WWTR1: variants seen among roughly 807,000 people sequenced by gnomAD.
WWTR1 encodes the protein WW domain containing transcription regulator 1, also known as WW domain-containing transcription regulator protein 1.
Under a neutral mutation model 40.1 loss-of-function variants are expected in WWTR1, and 13 were observed. That is an observed-to-expected ratio of 0.32 (90% CI 0.21 to 0.52). The LOEUF (loss-of-function observed/expected upper bound fraction) is 0.52. Ranked by LOEUF, WWTR1 falls within the 20% of genes least tolerant of loss-of-function variation. The pLI is 0.97. For synonymous variants in WWTR1, 230 were observed against 210.1 expected, an observed-to-expected ratio of 1.09 and a Z score of -0.82; for missense variants, 436 against 523.1, an observed-to-expected ratio of 0.83 and a Z score of 1.63.
intron 1 of WWTR1, among the ~76,000 whole-genome samples, chr3:149,684,224 G>A (rs1318238161): frequency 6.6e-6 from 1 of 151,954 alleles, no homozygotes; most frequent in Non-Finnish European, 1.5e-5. Context: ...GTCTCGCTAT[G>A]TTGCCCAGGG....
At chr3:149,610,559 G>C (rs975237866) in intron 2 of WWTR1, among the ~76,000 whole-genome samples, 6 of 152,176 alleles carry the variant, frequency 3.9e-5, no homozygotes, top group African/African-American at 1.4e-4. Context: ...AGAATTCTTT[G>C]AGTTGTAAAT....
At chr3:149,647,912 G>C (rs1712628604) in intron 2 of WWTR1, among the ~76,000 whole-genome samples, 1 of 152,142 alleles carries the variant, frequency 6.6e-6, no homozygotes, top group Admixed American at 6.6e-5. Flanking sequence ...TGAGGCTCCA[G>C]AACCTCAATG....
intron 2 of WWTR1, among the ~76,000 whole-genome samples, chr3:149,642,933 T>C (rs1431419250): frequency 2.0e-5 from 3 of 152,106 alleles, no homozygotes; most frequent in African/African-American, 7.2e-5. Context: ...AGCACTCAAG[T>C]TTACTGCTTC....
chr3:149,668,136 A>T (rs1713911992), intron 2 of WWTR1, among the ~76,000 whole-genome samples: 1 of 152,232 alleles, frequency 6.6e-6, no homozygotes, highest in Non-Finnish European at 1.5e-5. Flanking sequence ...TAGGGAAAGA[A>T]GCCTCTAGAT....
intron 2 of WWTR1, among the ~76,000 whole-genome samples, chr3:149,656,054 AG>A (rs1463826825): frequency 6.6e-6 from 1 of 152,200 alleles, no homozygotes; most frequent in Non-Finnish European, 1.5e-5. Context: ...GTTTCTCCTG[AG>A]GAATGTAGTT....
intron 2 of WWTR1, among the ~76,000 whole-genome samples, chr3:149,626,745 G>A (rs1740561759): frequency 6.6e-6 from 1 of 152,038 alleles, no homozygotes; most frequent in African/African-American, 2.4e-5. Flanking sequence ...GTAGGCACAT[G>A]GGGTGATGAA....
chr3:149,558,342 A>G (rs907479533), intron 3 of WWTR1, among the ~76,000 whole-genome samples: 7 of 152,234 alleles, frequency 4.6e-5, no homozygotes, highest in African/African-American at 1.7e-4. Context: ...TGTGTCAAAT[A>G]AATAATGTTC....
chr3:149,665,227 CT>C (rs11398199), intron 2 of WWTR1, among the ~76,000 whole-genome samples: 72 of 128,244 alleles, frequency 5.6e-4, no homozygotes, highest in South Asian at 2.2e-3. Context: ...TCCTTTCTTT[CT>C]TTTTTTTTTT....
chr3:149,664,328 T>C (rs532017445), intron 2 of WWTR1, among the ~76,000 whole-genome samples: 1 of 152,338 alleles, frequency 6.6e-6, no homozygotes, highest in Non-Finnish European at 1.5e-5. Flanking sequence ...AGGTTCAACA[T>C]GAGGATAAGA....
intron 2 of WWTR1, among the ~76,000 whole-genome samples, chr3:149,665,717 A>G (rs955392007): frequency 6.6e-5 from 10 of 152,236 alleles, no homozygotes; most frequent in African/African-American, 2.4e-4. Flanking sequence ...CTATCATTAT[A>G]ACTTTGTTCA....
At chr3:149,694,437 A>C (rs1021131915) in intron 1 of WWTR1, among the ~76,000 whole-genome samples, 4 of 152,194 alleles carry the variant, frequency 2.6e-5, no homozygotes, top group Non-Finnish European at 4.4e-5. Context: ...CAACAAAAAA[A>C]CAAGGGATTA....
At chr3:149,638,791 GTAATAACCCCCATAATCA>G (rs1459733032) in intron 2 of WWTR1, among the ~76,000 whole-genome samples, 3 of 152,190 alleles carry the variant, frequency 2.0e-5, no homozygotes, top group Non-Finnish European at 4.4e-5. Context: ...CTCTTGTCCT[GTAATAACCCCCATAATCA>G]AAGTTCAGGA....
chr3:149,567,190 A>C (rs1446544232), intron 3 of WWTR1, among the ~76,000 whole-genome samples: 3 of 147,742 alleles, frequency 2.0e-5, no homozygotes, highest in Non-Finnish European at 4.5e-5. Context: ...ATCACCAAAA[A>C]GGCAAAAAAA....
intron 2 of WWTR1, among the ~76,000 whole-genome samples, chr3:149,622,173 T>C (rs1287314679): frequency 6.6e-6 from 1 of 152,130 alleles, no homozygotes; most frequent in Non-Finnish European, 1.5e-5. Flanking sequence ...CCCAGACTTA[T>C]GAGTTGTTTC....
intron 4 of WWTR1, among the ~76,000 whole-genome samples, chr3:149,531,810 C>T (rs902521812): frequency 6.6e-6 from 1 of 152,168 alleles, no homozygotes; most frequent in Non-Finnish European, 1.5e-5. Flanking sequence ...AGGGAAGGGG[C>T]CTTGTTTGTC....
At chr3:149,622,502 G>GAAGGAAGGAAGGAAGGAAGGAAGA (rs1553800283) in intron 2 of WWTR1, among the ~76,000 whole-genome samples, 3 of 46,314 alleles carry the variant, frequency 6.5e-5, no homozygotes, top group Admixed American at 3.0e-4. Flanking sequence ...AGGAAGGAAG[G>GAAGGAAGGAAGGAAGGAAGGAAGA]AAGAAAGAAA....
chr3:149,674,270 T>G (rs1714191506), intron 1 of WWTR1, among the ~76,000 whole-genome samples: 1 of 141,866 alleles, frequency 7.0e-6, no homozygotes, highest in Non-Finnish European at 1.5e-5. Context: ...TTTCTCTATC[T>G]CTTTCTCTCT....
At chr3:149,655,582 T>G (rs1383707969) in intron 2 of WWTR1, among the ~76,000 whole-genome samples, 1 of 152,190 alleles carries the variant, frequency 6.6e-6, no homozygotes, top group Non-Finnish European at 1.5e-5. Flanking sequence ...GAAGACCAGC[T>G]GTGGCATAAA....
chr3:149,569,173 A>C (rs1247137791), intron 3 of WWTR1, among the ~76,000 whole-genome samples: 1 of 152,230 alleles, frequency 6.6e-6, no homozygotes, highest in Admixed American at 6.5e-5. Flanking sequence ...AAGGTAATGA[A>C]TACATTGTTC....
Sources: allele counts gnomAD v4.1 joint callset (sites outside exome capture counted in the v4.1 genomes callset), GRCh38; gene constraint gnomAD v4.1.1; transcripts MANE v1.5; gene names NCBI Gene and HGNC (gene_info 2026-07-23, HGNC 2026-07-21).